FIG4: variants seen among roughly 807,000 people sequenced by gnomAD.
FIG4 encodes FIG4 phosphoinositide 5-phosphatase, also known as polyphosphoinositide phosphatase.
FIG4 carries 112 observed loss-of-function variants against 118.6 expected under a neutral mutation model. That is an observed-to-expected ratio of 0.94 (90% CI 0.81 to 1.11). The LOEUF (loss-of-function observed/expected upper bound fraction) is 1.11, where lower values mean the gene tolerates loss of function less well. Ranked by LOEUF, FIG4 falls within the 50% of genes least tolerant of loss-of-function variation. FIG4 has a pLI of 0.00. For synonymous variants in FIG4, 369 were observed against 381.2 expected, an observed-to-expected ratio of 0.97 and a Z score of 0.37; for missense variants, 969 against 1,111.7, an observed-to-expected ratio of 0.87 and a Z score of 1.83.
chr6:109,764,311 A>G (rs1220086798), intron 13 of FIG4, among the ~76,000 whole-genome samples: 1 of 151,740 alleles, frequency 6.6e-6, no homozygotes, highest in Non-Finnish European at 1.5e-5. Context: ...GGTGGCATGC[A>G]CCTCTAGTCC....
rs201189638 is a variant in FIG4 at position 109,765,044 on chromosome 6, G to C, written c.1466G>C (p.Cys489Ser). 6.2e-7 allele frequency: 1 copy of C among 1,613,940 alleles called. No individual in the cohort carries two copies. The highest frequency in any genetic ancestry group is 8.5e-7 in the Non-Finnish European group (1 of 1,179,826). Residue 489 changes from cysteine (C) to serine (S), a missense_variant, in exon 14 of 23, where the codon TGT becomes TCT. Around this residue, in one of 3 missense-constraint regions of FIG4, gnomAD observed 246 missense variants for 354.3 expected, o/e 0.69. Coordinates refer to ENST00000230124, the MANE Select transcript of FIG4 (RefSeq NM_014845.6). The stretch of plus-strand genomic sequence containing the variant: ...ATCCTTCGAACCAACTGTGTGGACT[G>C]TTTAGATCGCACCAACACAGCACAG... ...TGILRTNCVD[C>S]LDRTNTAQFM...
intron 18 of FIG4, 74 bp downstream of exon 18, chr6:109,786,523 C>T: frequency 6.5e-7 from 1 of 1,541,064 alleles, no homozygotes; most frequent in Non-Finnish European, 9.0e-7. Flanking sequence ...ATATGTCTGT[C>T]TTTACCAGAA....
chr6:109,730,943 G>A (rs973445405), intron 4 of FIG4, among the ~76,000 whole-genome samples: 1 of 152,114 alleles, frequency 6.6e-6, no homozygotes, highest in Non-Finnish European at 1.5e-5. Flanking sequence ...TAGGAAACAA[G>A]CAGCAGTCTG....
intron 22 of FIG4, among the ~76,000 whole-genome samples, chr6:109,815,870 G>A (rs1483390475): frequency 4.6e-5 from 7 of 151,436 alleles, no homozygotes; most frequent in Admixed American, 3.9e-4. Flanking sequence ...TATGGGGGGG[G>A]GCACTCAGTT....
intron 1 of FIG4, among the ~76,000 whole-genome samples, chr6:109,698,405 T>A (rs535009017): frequency 2.0e-5 from 3 of 152,340 alleles, no homozygotes; most frequent in Admixed American, 2.0e-4. Flanking sequence ...TTGAATTTCA[T>A]GGAATCTGTA....
At chr6:109,795,319 A>G (rs927227597) in intron 21 of FIG4, among the ~76,000 whole-genome samples, 1 of 151,790 alleles carries the variant, frequency 6.6e-6, no homozygotes, top group Non-Finnish European at 1.5e-5. Context: ...AAAGTTCTGT[A>G]CAAATAATCA....
At chr6:109,820,811 G>A (rs954956240) in intron 22 of FIG4, among the ~76,000 whole-genome samples, 3 of 152,050 alleles carry the variant, frequency 2.0e-5, no homozygotes, top group Admixed American at 1.3e-4. Flanking sequence ...AAAACTGTGC[G>A]ATACAGTATC....
chr6:109,792,983 G>A (rs568808793), intron 21 of FIG4, among the ~76,000 whole-genome samples: 12 of 152,114 alleles, frequency 7.9e-5, no homozygotes, highest in East Asian at 5.8e-4. Flanking sequence ...GAGCCACTGC[G>A]TCCAGCCTAA....
chr6:109,765,348 A>C (rs1583702259), intron 14 of FIG4, among the ~76,000 whole-genome samples, 187 bp downstream of exon 14: 1 of 152,162 alleles, frequency 6.6e-6, no homozygotes, highest in Non-Finnish European at 1.5e-5. Flanking sequence ...TTTTGGTCTT[A>C]TGTTTAAGTC....
chr6:109,737,290 T>C (rs1318010764), intron 6 of FIG4, among the ~76,000 whole-genome samples: 1 of 152,198 alleles, frequency 6.6e-6, no homozygotes, highest in East Asian at 1.9e-4. Flanking sequence ...CTTTACTGCA[T>C]GTCAGGTACT....
intron 22 of FIG4, among the ~76,000 whole-genome samples, chr6:109,815,332 C>T (rs1456137916): frequency 6.6e-6 from 1 of 151,962 alleles, no homozygotes; most frequent in African/African-American, 2.4e-5. Flanking sequence ...TCCATATGGA[C>T]TCCCATGCCT....
At chr6:109,720,158 G>C (rs1775561896) in intron 3 of FIG4, among the ~76,000 whole-genome samples, 1 of 152,176 alleles carries the variant, frequency 6.6e-6, no homozygotes, top group Admixed American at 6.5e-5. Context: ...TTATGGAAAT[G>C]TGCCTTATGT....
chr6:109,728,551 A>G (rs2128384373), intron 4 of FIG4, among the ~76,000 whole-genome samples: 1 of 152,180 alleles, frequency 6.6e-6, no homozygotes, highest in East Asian at 1.9e-4. Flanking sequence ...ACATGAACCA[A>G]AATTTAAAGG....
Position 109,762,077 on chromosome 6 carries a change from C to T in FIG4, c.1272-14C>T, listed in dbSNP as rs1399073481. 2 of 1,512,198 alleles carry T rather than the reference C, an allele frequency of 1.3e-6. No homozygotes were observed. Among genetic ancestry groups the T allele is most frequent in the Non-Finnish European group, 1.8e-6 (2 of 1,087,254 alleles). 93.7% of individuals were successfully genotyped at this position (1,512,198 alleles called of 1,614,324 possible). A position where few individuals can be genotyped will look rare whatever the true frequency, so the allele number is the denominator to read the frequency against. On this transcript the variant is annotated splice_polypyrimidine_tract_variant and intron_variant, in intron 11 of 22. Coordinates refer to ENST00000230124, the MANE Select transcript of FIG4 (RefSeq NM_014845.6). ...TTGGCTTCTCACTTTTCTCATTCTTCCTTCTCTCCTCAGCAAGCTGTGTAA... is the reference window on the plus strand; with the variant it reads ...TTGGCTTCTCACTTTTCTCATTCTTTCTTCTCTCCTCAGCAAGCTGTGTAA...
At chr6:109,789,166 A>G (rs1333164221) in intron 18 of FIG4, among the ~76,000 whole-genome samples, 1 of 152,178 alleles carries the variant, frequency 6.6e-6, no homozygotes, top group Non-Finnish European at 1.5e-5. Context: ...TAGGAATTTA[A>G]ATTTTACCTG....
chr6:109,813,196 G>C (rs1778768703), intron 22 of FIG4, among the ~76,000 whole-genome samples: 1 of 152,094 alleles, frequency 6.6e-6, no homozygotes, highest in African/African-American at 2.4e-5. Flanking sequence ...TTATAAAACA[G>C]AGACCATTCC....
At position 109,801,661 on chromosome 6, in the gene FIG4, C is replaced by T. The variant is rs115259678; in HGVS notation, c.2546+4810C>T. ...CATTCAAGACTGGGTGAATGCCCCT[C>T]GGTGTGGGCTTCTACCAGGGGAAGT... On this transcript the variant is annotated intron_variant, in intron 22 of 22. Transcript: ENST00000230124. Among the ~76,000 whole-genome samples, 491 of 152,312 alleles carry T rather than the reference C, an allele frequency of 3.2e-3. 3 individuals carry two copies. Among genetic ancestry groups the T allele is most frequent in the African/African-American group, 0.012 (480 of 41,566 alleles).
intron 1 of FIG4, among the ~76,000 whole-genome samples, chr6:109,707,448 T>TAC (rs1775122189): frequency 6.7e-6 from 1 of 148,778 alleles, no homozygotes; most frequent in African/African-American, 2.5e-5. Context: ...TACATATATA[T>TAC]ACACATATAT....
At chr6:109,808,350 C>CAAAAAAAAAAAAA (rs55948419) in intron 22 of FIG4, among the ~76,000 whole-genome samples, 6 of 67,054 alleles carry the variant, frequency 8.9e-5, no homozygotes, top group African/African-American at 1.8e-4. Context: ...ACACTCACAG[C>CAAAAAAAAAAAAA]AAAAAAAAAA....
Sources: allele counts gnomAD v4.1 joint callset (sites outside exome capture counted in the v4.1 genomes callset), GRCh38; gene constraint gnomAD v4.1.1; regional missense constraint gnomAD v4.1.1; transcripts MANE v1.5; gene names NCBI Gene and HGNC (gene_info 2026-07-23, HGNC 2026-07-21).